HECW2: variants seen among roughly 807,000 people sequenced by gnomAD.
HECW2 encodes HECT, C2 and WW domain containing E3 ubiquitin protein ligase 2.
In HECW2, 61 loss-of-function variants were observed where a neutral mutation model predicts 175.2. The ratio of observed to expected loss-of-function variants is 0.35; its 90% CI spans 0.28 to 0.43. The LOEUF is 0.43. Ranked by LOEUF, HECW2 falls within the 20% of genes least tolerant of loss-of-function variation. HECW2 has a pLI of 1.00. For synonymous variants in HECW2, 671 were observed against 731.0 expected (o/e 0.92, Z 1.32); for missense variants, 1,524 against 2,000.5 (o/e 0.76, Z 4.54).
At chr2:196,269,497 A>G (rs912970155) in intron 17 of HECW2, 2 of 13,242 alleles carry the variant, frequency 1.5e-4, no homozygotes, top group Non-Finnish European at 4.8e-4. Flanking sequence ...CCCTACCTCC[A>G]AAAAAAAAAA....
At chr2:196,372,649 C>G (rs1177632392) in intron 2 of HECW2, among the ~76,000 whole-genome samples, 1 of 152,178 alleles carries the variant, frequency 6.6e-6, no homozygotes, top group Non-Finnish European at 1.5e-5. Flanking sequence ...TCCTCCCTAC[C>G]TAATTGTGTC....
intron 1 of HECW2, among the ~76,000 whole-genome samples, chr2:196,443,943 G>A (rs1171394606): frequency 6.6e-6 from 1 of 152,216 alleles, no homozygotes; most frequent in African/African-American, 2.4e-5. Flanking sequence ...GCTGAAGTGG[G>A]AGGATCGCTT....
At chr2:196,274,399 TA>T (rs1425155300) in intron 15 of HECW2, among the ~76,000 whole-genome samples, 1 of 152,224 alleles carries the variant, frequency 6.6e-6, no homozygotes, top group African/African-American at 2.4e-5. Flanking sequence ...AATCTGCTTA[TA>T]ATTACTGAGG....
chr2:196,472,133 A>T (rs1697225059), intron 1 of HECW2, among the ~76,000 whole-genome samples: 2 of 152,160 alleles, frequency 1.3e-5, no homozygotes, highest in South Asian at 4.1e-4. Flanking sequence ...CGAAAAAAAA[A>T]TAGTTGTAGT....
chr2:196,220,981 C>A (rs1238018340), intron 24 of HECW2, 40 bp from the exon 25 acceptor site: 1 of 1,602,578 alleles, frequency 6.2e-7, no homozygotes, highest in Non-Finnish European at 8.5e-7. Context: ...CAAAGCAATA[C>A]TCTTAATGTT....
At chr2:196,547,475 A>G (rs1372795001) in intron 1 of HECW2, among the ~76,000 whole-genome samples, 1 of 152,248 alleles carries the variant, frequency 6.6e-6, no homozygotes, top group African/African-American at 2.4e-5. Context: ...TCAAACTTAC[A>G]AAATAGGTTG....
At chr2:196,296,794 T>C (rs1338010456) in intron 13 of HECW2, among the ~76,000 whole-genome samples, 1 of 152,188 alleles carries the variant, frequency 6.6e-6, no homozygotes, top group Non-Finnish European at 1.5e-5. Flanking sequence ...GAGGTAAGAA[T>C]GGGAGCAGTC....
rs57584353 is a variant in HECW2 at position 196,425,842 on chromosome 2, G to C, written c.292+7290C>G. Among the ~76,000 whole-genome samples the C allele has an allele frequency of 5.0e-3, 754 of 152,250 alleles. 10 individuals are homozygous for C. The highest frequency in any genetic ancestry group is 0.017 in the African/African-American group (708 of 41,542). ...ACTGAGTTGAAAAACTAGCAGCAGG[G>C]TTTGAAAAGATTGACTCCAATTTTG... On this transcript the variant is annotated intron_variant, in intron 2 of 28. Transcript: ENST00000644978.
chr2:196,488,562 AAAT>A (rs1246005739), intron 1 of HECW2, among the ~76,000 whole-genome samples: 5 of 152,084 alleles, frequency 3.3e-5, no homozygotes, highest in Non-Finnish European at 7.4e-5. Flanking sequence ...TATCTTGTTA[AAAT>A]AATAAAGAGC....
intron 2 of HECW2, among the ~76,000 whole-genome samples, chr2:196,367,927 T>TAGATACATATATATATG: frequency 6.6e-6 from 1 of 151,480 alleles, no homozygotes; most frequent in Admixed American, 6.6e-5. Context: ...ATGAGATACA[T>TAGATACATATATATATG]AGATACATAT....
chr2:196,442,285 A>T (rs1447453702), intron 1 of HECW2, among the ~76,000 whole-genome samples: 1 of 152,234 alleles, frequency 6.6e-6, no homozygotes, highest in Non-Finnish European at 1.5e-5. Flanking sequence ...ACATTTTTAA[A>T]AAAGATATAA....
intron 1 of HECW2, among the ~76,000 whole-genome samples, chr2:196,559,968 T>C (rs973593776): frequency 6.6e-6 from 1 of 152,214 alleles, no homozygotes; most frequent in African/African-American, 2.4e-5. Context: ...TTTATCTCTC[T>C]ACCAGTTCAC....
At chr2:196,379,469 A>T (rs1034367929) in intron 2 of HECW2, among the ~76,000 whole-genome samples, 2 of 152,064 alleles carry the variant, frequency 1.3e-5, no homozygotes, top group Non-Finnish European at 2.9e-5. Flanking sequence ...GTGGATCACG[A>T]GGTCAGGAGA....
chr2:196,385,036 C>T (rs960147852), intron 2 of HECW2, among the ~76,000 whole-genome samples: 8 of 152,094 alleles, frequency 5.3e-5, no homozygotes, highest in African/African-American at 1.9e-4. Context: ...CCTGCCTCAG[C>T]TTTCCAAATA....
At chr2:196,550,955 C>G (rs748059046) in intron 1 of HECW2, among the ~76,000 whole-genome samples, 12 of 152,186 alleles carry the variant, frequency 7.9e-5, no homozygotes, top group Non-Finnish European at 1.5e-4. Flanking sequence ...AAAAGAATTT[C>G]TAATAAGATC....
At chr2:196,534,228 A>G (rs1025795333) in intron 1 of HECW2, among the ~76,000 whole-genome samples, 1 of 151,802 alleles carries the variant, frequency 6.6e-6, no homozygotes, top group Non-Finnish European at 1.5e-5. Flanking sequence ...GGAAAGCTTC[A>G]CTCTCACTGT....
At chr2:196,204,194 C>T (rs1389127510) in intron 28 of HECW2, among the ~76,000 whole-genome samples, 1 of 152,090 alleles carries the variant, frequency 6.6e-6, no homozygotes, top group Non-Finnish European at 1.5e-5. Context: ...TTTAAGTCCT[C>T]CTTTTCAATT....
intron 10 of HECW2, chr2:196,316,985 C>T: frequency 3.0e-6 from 1 of 335,332 alleles, no homozygotes; most frequent in Admixed American, 4.0e-5. Context: ...TAATTTAAAA[C>T]AATTCTATTA....
At chr2:196,488,546 C>T (rs1344747985) in intron 1 of HECW2, among the ~76,000 whole-genome samples, 1 of 151,874 alleles carries the variant, frequency 6.6e-6, no homozygotes, top group Admixed American at 6.6e-5. Flanking sequence ...TTCCACTATA[C>T]CACTATATCT....
Sources: gnomAD v4.1 joint callset for allele counts (sites outside exome capture counted in the v4.1 genomes callset) on GRCh38, gnomAD v4.1.1 for gene constraint, MANE v1.5 for transcripts, NCBI Gene and HGNC (gene_info 2026-07-23, HGNC 2026-07-21) for gene names.